NEMF: variants seen among roughly 807,000 people sequenced by gnomAD.
NEMF encodes the protein ribosome quality control complex subunit NEMF.
In NEMF, 89 loss-of-function variants were observed where a neutral mutation model predicts 162.2. That is an observed-to-expected ratio of 0.55 (90% confidence interval 0.46 to 0.65). The LOEUF (loss-of-function observed/expected upper bound fraction) is 0.65, where lower values mean the gene tolerates loss of function less well. NEMF is among the 30% of genes least tolerant of loss of function. The pLI, the probability that NEMF is intolerant of heterozygous loss-of-function variation, is 0.00. For missense variants in NEMF, 1,133 were observed against 1,261.9 expected (o/e 0.90, Z 1.55); for synonymous variants, 421 against 404.5 (o/e 1.04, Z -0.49).
chr14:49,848,190 A>G (rs558110121), intron 3 of NEMF, among the ~76,000 whole-genome samples: 4 of 152,254 alleles, frequency 2.6e-5, no homozygotes, highest in African/African-American at 9.6e-5. Context: ...CTTTACTAAT[A>G]TAACCCAAAG....
chr14:49,812,987 G>A lies in NEMF; in HGVS notation c.1744+1001C>T, dbSNP rs151320833. On this transcript the variant is annotated intron_variant, in intron 18 of 32. Coordinates refer to ENST00000298310, the MANE Select transcript of NEMF (RefSeq NM_004713.6). The stretch of plus-strand genomic sequence containing the variant: ...AGACAGGGTTTCACCATGTTAGCCA[G>A]GTTGGTCTCAACCTCCTGACCTCAC... Among the ~76,000 whole-genome samples the A allele has an allele frequency of 5.4e-3, 815 of 152,168 alleles. 12 individuals are homozygous for A. Among genetic ancestry groups the A allele is most frequent in the African/African-American group, 0.019 (775 of 41,522 alleles).
At chr14:49,831,185 G>C (rs1295015444) in intron 11 of NEMF, 114 bp downstream of exon 11, 1 of 630,520 alleles carries the variant, frequency 1.6e-6, no homozygotes, top group South Asian at 1.9e-5. Flanking sequence ...GCAGGTCAGA[G>C]AGTTCCCATA....
At chr14:49,850,044 C>T (rs769936340) in intron 3 of NEMF, among the ~76,000 whole-genome samples, 1 of 151,934 alleles carries the variant, frequency 6.6e-6, no homozygotes, top group Non-Finnish European at 1.5e-5. Context: ...AAGTAAGGAG[C>T]GGAGCAGGAA....
At chr14:49,784,821 C>G in intron 32 of NEMF, 104 bp downstream of exon 32, 1 of 1,398,064 alleles carries the variant, frequency 7.2e-7, no homozygotes, top group Non-Finnish European at 1.0e-6. Context: ...GATGGTTTTA[C>G]TGCTTCTAAT....
chr14:49,785,705 T>C (rs905645190), intron 29 of NEMF: 1 of 189,294 alleles, frequency 5.3e-6, no homozygotes, highest in Admixed American at 5.4e-5. Flanking sequence ...CTAAGCAACA[T>C]GGAGAAACAC....
At chr14:49,787,745 T>C (rs1460830845) in intron 28 of NEMF, among the ~76,000 whole-genome samples, 2 of 152,204 alleles carry the variant, frequency 1.3e-5, no homozygotes, top group Non-Finnish European at 2.9e-5. Context: ...TAGTGAGTAT[T>C]TGTGAGTCTA....
At chr14:49,813,594 CAT>C (rs1891579260) in intron 18 of NEMF, among the ~76,000 whole-genome samples, 1 of 152,108 alleles carries the variant, frequency 6.6e-6, no homozygotes, top group Non-Finnish European at 1.5e-5. Flanking sequence ...ATTAGCAGCA[CAT>C]ATGTTTATAA....
At chr14:49,786,571 G>C in intron 29 of NEMF, 147 bp downstream of exon 29, 2 of 672,960 alleles carry the variant, frequency 3.0e-6, no homozygotes, top group African/African-American at 1.8e-5. Flanking sequence ...ACATATAGCA[G>C]AGTTGGGATT....
intron 18 of NEMF, among the ~76,000 whole-genome samples, chr14:49,812,775 T>A (rs1891538453): frequency 6.6e-6 from 1 of 152,094 alleles, no homozygotes; most frequent in Non-Finnish European, 1.5e-5. Flanking sequence ...TTGTCTAATT[T>A]CAACAGTTTT....
intron 16 of NEMF, among the ~76,000 whole-genome samples, chr14:49,824,856 GAA>G (rs1892261272): frequency 6.6e-6 from 1 of 152,110 alleles, no homozygotes; most frequent in Admixed American, 6.5e-5. Flanking sequence ...ATGAGATCCA[GAA>G]AAGAGTTTCC....
chr14:49,828,791 A>G lies in NEMF; in HGVS notation c.1249T>C (p.Ser417Pro), dbSNP rs1892494145. 5 of 1,544,080 alleles carry G rather than the reference A, an allele frequency of 3.2e-6. No homozygotes were observed. Among genetic ancestry groups the G allele is most frequent in the Non-Finnish European group, 4.4e-6 (5 of 1,140,880 alleles). ...TMLLRNPYLL[S>P]EEEDDDVDGD... is the part of the protein sequence containing the mutation. ...TCAACATCATCATCTTCCTCCTCTG[A>G]TAACAAGTATGGATTTCTATTAAAA... The change falls in exon 14 of 33, where the codon TCA becomes CCA. Residue 417 changes from serine (S) to proline (P), a missense_variant. By Grantham distance (74) the Ser-to-Pro change is moderately conservative. Around this residue, in one of 3 missense-constraint regions of NEMF, gnomAD observed 582 missense variants for 631.5 expected, o/e 0.92. Transcript: ENST00000298310.
chr14:49,801,743 A>G (rs1005253631), intron 22 of NEMF, among the ~76,000 whole-genome samples: 4 of 152,170 alleles, frequency 2.6e-5, no homozygotes, highest in African/African-American at 2.4e-5. Context: ...CTTGAAACAA[A>G]TATTTTATTA....
rs763913521 is a variant in NEMF, at chr14:49,829,235, T to C, written c.1051A>G (p.Ile351Val). Residue 351 changes from isoleucine to valine, a missense_variant, in exon 13 of 33, where the codon ATA becomes GTA. Ile to Val is a conservative substitution (Grantham distance 29). This residue lies in a region of NEMF where 582 missense variants were observed against 631.5 expected (regional missense o/e 0.92). Transcript: ENST00000298310. ...QEIDKLKGELIEMNLQIVDRA... is the reference protein window; with the variant it reads ...QEIDKLKGELVEMNLQIVDRA... ...TCAACTATTTGTAGGTTCATTTCTA[T>C]GAGCTCTCCTTTCAGTTTGTCTATT... The C allele has an allele frequency of 2.5e-6, 4 of 1,614,158 alleles. No individual in the cohort carries two copies. Among genetic ancestry groups the C allele is most frequent in the Non-Finnish European group, 2.5e-6 (3 of 1,179,984 alleles).
intron 17 of NEMF, 90 bp downstream of exon 17, chr14:49,814,661 CAGA>C: frequency 1.6e-6 from 1 of 634,512 alleles, no homozygotes; most frequent in South Asian, 2.1e-5. Context: ...ATCTATCAAA[CAGA>C]AGAGTATAAC....
chr14:49,814,181 C>A, intron 17 of NEMF, 131 bp from the exon 18 acceptor site: 1 of 580,876 alleles, frequency 1.7e-6, no homozygotes, highest in South Asian at 1.9e-5. Context: ...CTCACTGCAA[C>A]TTCTGCCCCC....
intron 29 of NEMF, chr14:49,785,929 C>G (rs927045815): frequency 6.6e-6 from 1 of 151,656 alleles, no homozygotes; most frequent in African/African-American, 2.4e-5. Flanking sequence ...TGGATATTAC[C>G]TGAGTTGCAG....
chr14:49,800,337 A>G, intron 23 of NEMF, 83 bp downstream of exon 23: 1 of 1,037,374 alleles, frequency 9.6e-7, no homozygotes, highest in Non-Finnish European at 1.4e-6. Context: ...ACTGATGTCA[A>G]TCTTGGTATT....
chr14:49,800,396 T>C (rs752391694), intron 23 of NEMF, 24 bp downstream of exon 23: 1 of 1,524,086 alleles, frequency 6.6e-7, no homozygotes, highest in East Asian at 2.4e-5. Context: ...CACAATAATA[T>C]GTAAAATTTT....
chr14:49,815,067 A>T (rs1243036053), intron 16 of NEMF, among the ~76,000 whole-genome samples: 2 of 152,046 alleles, frequency 1.3e-5, no homozygotes, highest in Admixed American at 6.5e-5. Flanking sequence ...ATTAAATTCT[A>T]TGTTTAAAAA....
Sources: allele counts gnomAD v4.1 joint callset (sites outside exome capture counted in the v4.1 genomes callset), GRCh38; gene constraint gnomAD v4.1.1; regional missense constraint gnomAD v4.1.1; transcripts MANE v1.5; gene names NCBI Gene and HGNC (gene_info 2026-07-23, HGNC 2026-07-21).